FRMD5: variants seen among roughly 807,000 people sequenced by gnomAD.
FRMD5 encodes FERM domain-containing protein 5.
A neutral mutation model predicts 69.0 loss-of-function variants in FRMD5; 20 were observed. That is an observed-to-expected ratio of 0.29 (90% CI 0.20 to 0.42). The LOEUF (loss-of-function observed/expected upper bound fraction) is 0.42. Among genes scored for constraint, FRMD5 ranks in the 10% least tolerant of loss-of-function variants. The probability of loss-of-function intolerance (pLI) is 1.00; values close to 1 mark genes in which losing one functional copy is unlikely to be tolerated. For synonymous variants in FRMD5, 271 were observed against 260.1 expected (o/e 1.04, Z -0.40); for missense variants, 595 against 708.6 (o/e 0.84, Z 1.82).
At chr15:43,974,183 G>A (rs944428444) in intron 1 of FRMD5, among the ~76,000 whole-genome samples, 2 of 152,092 alleles carry the variant, frequency 1.3e-5, no homozygotes, top group African/African-American at 4.8e-5. Flanking sequence ...GTGAAAGTGA[G>A]AGGCAAGGAA....
intron 1 of FRMD5, among the ~76,000 whole-genome samples, chr15:43,945,351 T>C (rs908655028): frequency 6.8e-6 from 1 of 147,536 alleles, no homozygotes; most frequent in Non-Finnish European, 1.5e-5. Flanking sequence ...AAAAATGTCA[T>C]TTTTTTTAAA....
chr15:43,924,196 T>G lies in FRMD5; in HGVS notation c.207+9A>C. ...CTGTCCTCCTTTTGTGCTTTGAATA[T>G]TGACTTACCCGCTGCTTATCTGGGT... On this transcript the variant is annotated intron_variant, in intron 2 of 13. Transcript: ENST00000417257. The G allele has an allele frequency of 6.3e-7, 1 of 1,598,890 alleles. No individual in the cohort carries two copies.
intron 1 of FRMD5, among the ~76,000 whole-genome samples, chr15:43,959,801 A>G (rs949089602): frequency 6.6e-6 from 1 of 152,208 alleles, no homozygotes; most frequent in Non-Finnish European, 1.5e-5. Context: ...AGCAAATTCA[A>G]TGAGTGAATT....
chr15:43,955,243 C>A lies in FRMD5; in HGVS notation c.103-30934G>T, dbSNP rs368683441. Among the ~76,000 whole-genome samples the A allele has an allele frequency of 5.9e-5, 9 of 152,322 alleles. No homozygotes were observed. The South Asian group carries it at 1.9e-3, about 32-fold the overall frequency. ...AGGGCACTCCTCACCCTTGGAAAGTCACTTCCCAACATGGTACCCAAAGAG... is the reference window on the plus strand; with the variant it reads ...AGGGCACTCCTCACCCTTGGAAAGTAACTTCCCAACATGGTACCCAAAGAG... On this transcript the variant is annotated intron_variant, in intron 1 of 13. Transcript: ENST00000417257.
chr15:44,080,013 T>C (rs1893931975), intron 1 of FRMD5, among the ~76,000 whole-genome samples: 1 of 152,092 alleles, frequency 6.6e-6, no homozygotes, highest in Non-Finnish European at 1.5e-5. Flanking sequence ...TTAAAAGTGC[T>C]GGGGATGAAT....
intron 1 of FRMD5, among the ~76,000 whole-genome samples, chr15:43,951,566 A>C (rs554625372): frequency 3.3e-5 from 5 of 152,358 alleles, no homozygotes; most frequent in Non-Finnish European, 7.3e-5. Flanking sequence ...AATACCAAAC[A>C]GATTATGCTC....
rs1407742575 is a variant in FRMD5, at chr15:44,027,643, TTTTTTTTG to T, written c.103-103342_103-103335del. 2.1e-4 allele frequency among the ~76,000 whole-genome samples: 6 copies of T among 28,700 alleles called. No homozygotes were observed. In the East Asian group the frequency reaches 9.0e-3, roughly 43 times the overall value. 18.8% of individuals were successfully genotyped at this position (28,700 alleles called of 152,430 possible). A position where few individuals can be genotyped will look rare whatever the true frequency, so the allele number is the denominator to read the frequency against. ...CTGTGCTGACTTTCTTTTCTAGTTT[TTTTTTTTG>T]TTTTTTTTTTTTTTTCCGAGACAGA... is the stretch of plus-strand genomic sequence containing the variant. On this transcript the variant is annotated intron_variant, in intron 1 of 13. Coordinates refer to ENST00000417257, the MANE Select transcript of FRMD5 (RefSeq NM_032892.5).
chr15:43,905,857 T>C lies in FRMD5; in HGVS notation c.522A>G (p.Lys174=), dbSNP rs1022905054. ...GTTCCGTCTTGTGAATCTCAGCAAT[T>C]TTCCTTTCCAGCTTCTCTGAATGTT... The part of the protein sequence containing the change: ...FPKHSEKLER[K]IAEIHKTELS... The change falls in exon 6 of 14, where the codon AAA becomes AAG. Residue 174 remains lysine, a synonymous_variant. Coordinates refer to ENST00000417257, the MANE Select transcript of FRMD5 (RefSeq NM_032892.5). The C allele has an allele frequency of 4.3e-6, 7 of 1,614,100 alleles. No individual in the cohort carries two copies. Among genetic ancestry groups the C allele is most frequent in the Non-Finnish European group, 5.9e-6 (7 of 1,180,044 alleles).
chr15:44,044,122 A>C (rs1486236703), intron 1 of FRMD5, among the ~76,000 whole-genome samples: 1 of 152,236 alleles, frequency 6.6e-6, no homozygotes, highest in Non-Finnish European at 1.5e-5. Context: ...ATATGAACAG[A>C]CACTTCTCAA....
chr15:43,963,541 G>A (rs1040722346), intron 1 of FRMD5, among the ~76,000 whole-genome samples: 2 of 152,288 alleles, frequency 1.3e-5, no homozygotes, highest in African/African-American at 4.8e-5. Context: ...ATTTGACCCA[G>A]CCATCCCATT....
intron 1 of FRMD5, among the ~76,000 whole-genome samples, chr15:43,946,008 T>C (rs2089940992): frequency 1.3e-5 from 2 of 151,944 alleles, no homozygotes; most frequent in Non-Finnish European, 2.9e-5. Context: ...TGAGCCGAGA[T>C]TGCACCACTG....
intron 1 of FRMD5, among the ~76,000 whole-genome samples, chr15:44,074,590 G>A (rs868014991): frequency 2.6e-5 from 4 of 151,108 alleles, no homozygotes; most frequent in Non-Finnish European, 4.4e-5. Flanking sequence ...TGCAACCTCC[G>A]CACCTCACCC....
chr15:43,995,844 T>C (rs1202544931), intron 1 of FRMD5, among the ~76,000 whole-genome samples: 1 of 152,010 alleles, frequency 6.6e-6, no homozygotes, highest in East Asian at 1.9e-4. Flanking sequence ...CTTGGAACCT[T>C]GGTCCACATG....
intron 1 of FRMD5, among the ~76,000 whole-genome samples, chr15:44,007,217 TG>T (rs560572072): frequency 2.2e-3 from 339 of 152,270 alleles, no homozygotes; most frequent in African/African-American, 5.2e-3. Context: ...AATATATAAA[TG>T]TTTTTTTCCA....
At chr15:43,901,513 G>A (rs987356109) in intron 7 of FRMD5, among the ~76,000 whole-genome samples, 9 of 152,126 alleles carry the variant, frequency 5.9e-5, no homozygotes, top group African/African-American at 2.2e-4. Context: ...GAGAAACTGA[G>A]GTAGAGACCA....
intron 1 of FRMD5, among the ~76,000 whole-genome samples, chr15:43,936,897 T>C (rs915442232): frequency 6.6e-6 from 1 of 151,952 alleles, no homozygotes; most frequent in Non-Finnish European, 1.5e-5. Context: ...ATGGCTTTGC[T>C]TCCAGGAAGA....
intron 1 of FRMD5, among the ~76,000 whole-genome samples, chr15:44,078,150 A>T (rs1267212704): frequency 6.6e-6 from 1 of 152,156 alleles, no homozygotes; most frequent in Non-Finnish European, 1.5e-5. Context: ...CTTTTAAAAA[A>T]TTCAAAAGGC....
chr15:43,896,190 C>A (rs545260510), intron 7 of FRMD5, among the ~76,000 whole-genome samples: 1 of 152,198 alleles, frequency 6.6e-6, no homozygotes, highest in East Asian at 1.9e-4. Context: ...AGGTAACAGT[C>A]GAAATAATCT....
At chr15:43,985,235 C>T (rs912493144) in intron 1 of FRMD5, among the ~76,000 whole-genome samples, 3 of 131,038 alleles carry the variant, frequency 2.3e-5, no homozygotes, top group Non-Finnish European at 3.1e-5. Flanking sequence ...GAGCCGAGAT[C>T]GGACCACTGC....
Sources: allele counts gnomAD v4.1 joint callset (sites outside exome capture counted in the v4.1 genomes callset), GRCh38; gene constraint gnomAD v4.1.1; transcripts MANE v1.5; gene names NCBI Gene and HGNC (gene_info 2026-07-23, HGNC 2026-07-21).